MYO1D: variants seen among roughly 807,000 people sequenced by gnomAD.
MYO1D encodes the protein unconventional myosin-Id.
A neutral mutation model predicts 122.0 loss-of-function variants in MYO1D; 83 were observed. That is an observed-to-expected ratio of 0.68 (90% CI 0.57 to 0.82). The LOEUF (loss-of-function observed/expected upper bound fraction) is 0.82. MYO1D is among the 40% of genes least tolerant of loss of function. The probability of loss-of-function intolerance (pLI) is 0.00; values close to 1 mark genes in which losing one functional copy is unlikely to be tolerated. For missense variants in MYO1D, 1,157 were observed against 1,269.5 expected, an observed-to-expected ratio of 0.91 and a Z score of 1.35; for synonymous variants, 464 against 446.9, an observed-to-expected ratio of 1.04 and a Z score of -0.48.
rs550811451 is a variant in MYO1D at position 32,834,385 on chromosome 17, A to G, written c.95+42393T>C. ...GTCCACTCCCCTGCCCCATAACCAG[A>G]ACCAAACAGTGCCTGTGGGTAAGGC... On this transcript the variant is annotated intron_variant, in intron 1 of 21. Transcript: ENST00000318217. Among the ~76,000 whole-genome samples the G allele has an allele frequency of 1.2e-4, 18 of 152,320 alleles. No individual in the cohort carries two copies. In the South Asian group the frequency reaches 2.1e-3, roughly 18 times the overall value.
At chr17:32,805,164 C>T (rs193063928) in intron 1 of MYO1D, among the ~76,000 whole-genome samples, 34 of 152,216 alleles carry the variant, frequency 2.2e-4, no homozygotes, top group African/African-American at 7.5e-4. Context: ...CCAGCTATGA[C>T]GAATGGATCC....
chr17:32,823,771 A>G (rs1189397407), intron 1 of MYO1D, among the ~76,000 whole-genome samples: 9 of 152,148 alleles, frequency 5.9e-5, no homozygotes, highest in Non-Finnish European at 1.2e-4. Flanking sequence ...TGCAAAAACT[A>G]TTTAAGAAGT....
intron 1 of MYO1D, among the ~76,000 whole-genome samples, chr17:32,857,817 C>T (rs938283815): frequency 1.3e-5 from 2 of 152,186 alleles, no homozygotes; most frequent in Non-Finnish European, 1.5e-5. Context: ...ATTTTCTCCA[C>T]ATGTGAACTG....
intron 19 of MYO1D, among the ~76,000 whole-genome samples, chr17:32,646,313 T>C (rs2088293595): frequency 6.6e-6 from 1 of 152,176 alleles, no homozygotes; most frequent in African/African-American, 2.4e-5. Context: ...TTAGAGTTCA[T>C]AGAGAATATC....
intron 21 of MYO1D, chr17:32,594,335 A>G: frequency 2.5e-6 from 1 of 394,096 alleles, no homozygotes. Context: ...AGAGACTTCA[A>G]ACTTTCCTTT....
At chr17:32,636,236 A>T (rs985206202) in intron 20 of MYO1D, among the ~76,000 whole-genome samples, 1 of 152,224 alleles carries the variant, frequency 6.6e-6, no homozygotes, top group African/African-American at 2.4e-5. Context: ...GTATACTTGT[A>T]CGTTTCACAA....
At chr17:32,566,986 G>A (rs1461556245) in intron 21 of MYO1D, among the ~76,000 whole-genome samples, 3 of 148,964 alleles carry the variant, frequency 2.0e-5, no homozygotes, top group African/African-American at 2.5e-5. Context: ...TCCAAAGCCC[G>A]TGCTCCATCC....
intron 14 of MYO1D, among the ~76,000 whole-genome samples, chr17:32,723,900 T>C (rs2089541063): frequency 6.6e-6 from 1 of 152,180 alleles, no homozygotes; most frequent in Admixed American, 6.5e-5. Context: ...TCTTCCCTAT[T>C]CTGGAATACC....
intron 21 of MYO1D, among the ~76,000 whole-genome samples, chr17:32,587,268 T>C (rs1381205508): frequency 6.6e-6 from 1 of 152,134 alleles, no homozygotes; most frequent in Non-Finnish European, 1.5e-5. Context: ...TTCCAGCACT[T>C]TGGGAAGCTG....
intron 16 of MYO1D, among the ~76,000 whole-genome samples, chr17:32,699,132 T>C (rs775250735): frequency 1.3e-5 from 2 of 152,062 alleles, no homozygotes; most frequent in Non-Finnish European, 2.9e-5. Flanking sequence ...GCCCGGCTAA[T>C]TTTTGTATTT....
At chr17:32,583,237 A>G (rs1356188822) in intron 21 of MYO1D, among the ~76,000 whole-genome samples, 6 of 152,212 alleles carry the variant, frequency 3.9e-5, no homozygotes, top group Non-Finnish European at 8.8e-5. Flanking sequence ...GTTTCCAACG[A>G]GAAATCCTCT....
Position 32,873,186 on chromosome 17 carries a change from C to T in MYO1D, c.95+3592G>A, listed in dbSNP as rs185728106. On this transcript the variant is annotated intron_variant, in intron 1 of 21. Coordinates refer to ENST00000318217, the MANE Select transcript of MYO1D (RefSeq NM_015194.3). ...AGTAACAAGCATTTTTCCCTCTCTA[C>T]AAAAAAATGTTGTCATGAAGGAATG... Among the ~76,000 whole-genome samples, 165 of 151,978 alleles carry T rather than the reference C, an allele frequency of 1.1e-3. 1 individual carries two copies. The highest frequency in any genetic ancestry group is 2.2e-4 in the Non-Finnish European group (15 of 67,920).
chr17:32,780,497 T>A, intron 2 of MYO1D, 79 bp downstream of exon 2: 1 of 1,418,492 alleles, frequency 7.0e-7, no homozygotes, highest in African/African-American at 1.8e-5. Context: ...AAATATTTAA[T>A]CAATTGTTTG....
intron 1 of MYO1D, among the ~76,000 whole-genome samples, chr17:32,859,686 C>T (rs2091054164): frequency 6.6e-6 from 1 of 152,222 alleles, no homozygotes; most frequent in South Asian, 2.1e-4. Flanking sequence ...GTGTTCATGT[C>T]CTGTCTTGTT....
At position 32,760,346 on chromosome 17, in the gene MYO1D, G is replaced by T; in HGVS notation, c.1240C>A (p.Leu414Met). The change falls in exon 10 of 22, where the codon CTG becomes ATG. Residue 414 changes from leucine to methionine, a missense_variant. Leu to Met is a conservative substitution (Grantham distance 15). Coordinates refer to ENST00000318217, the MANE Select transcript of MYO1D (RefSeq NM_015194.3). ...NEKLQQLFIQ[L>M]VLKQEQEEYQ... Reference sequence around the variant, plus strand: ...TCCTCTTGTTCTTGCTTCAGAACCAGCTGAATAAATAGCTGCTGCAGTTTC... The same window carrying T: ...TCCTCTTGTTCTTGCTTCAGAACCATCTGAATAAATAGCTGCTGCAGTTTC... The T allele has an allele frequency of 6.2e-7, 1 of 1,612,726 alleles. No homozygotes were observed. Among genetic ancestry groups the T allele is most frequent in the South Asian group, 1.1e-5 (1 of 90,854 alleles).
chr17:32,567,584 T>C (rs1316657570), intron 21 of MYO1D, among the ~76,000 whole-genome samples: 1 of 152,206 alleles, frequency 6.6e-6, no homozygotes, highest in Non-Finnish European at 1.5e-5. Context: ...ACTCCAAACC[T>C]TGTACTCTTT....
chr17:32,712,189 C>T lies in MYO1D; in HGVS notation c.1920G>A (p.Lys640=), dbSNP rs1481786531. The change falls in exon 16 of 22, where the codon AAG becomes AAA. Residue 640 remains lysine, a synonymous_variant. Transcript: ENST00000318217. Reference sequence around the variant, plus strand: ...TGGGCCAGGTGAATTCAGAGATCATCTTATACCTGGATGAAAAAAAGAAAC... The same window carrying T: ...TGGGCCAGGTGAATTCAGAGATCATTTTATACCTGGATGAAAAAAAGAAAC... ...QTYEKFLHRY[K]MISEFTWPNH... is the part of the protein sequence containing the mutation. 2.0e-5 allele frequency: 32 copies of T among 1,612,218 alleles called. No individual in the cohort carries two copies. The highest frequency in any genetic ancestry group is 2.2e-5 in the Non-Finnish European group (26 of 1,178,750).
At chr17:32,840,366 T>C (rs764846607) in intron 1 of MYO1D, among the ~76,000 whole-genome samples, 1 of 151,280 alleles carries the variant, frequency 6.6e-6, no homozygotes, top group Non-Finnish European at 1.5e-5. Context: ...GGGAGTGATT[T>C]ACAAGTATGA....
intron 14 of MYO1D, among the ~76,000 whole-genome samples, chr17:32,724,091 T>C (rs904518691): frequency 6.6e-6 from 1 of 152,192 alleles, no homozygotes; most frequent in African/African-American, 2.4e-5. Context: ...AGTAAGTTTT[T>C]TAAAAAACTT....
Sources: allele counts gnomAD v4.1 joint callset (sites outside exome capture counted in the v4.1 genomes callset), GRCh38; gene constraint gnomAD v4.1.1; transcripts MANE v1.5; gene names NCBI Gene and HGNC (gene_info 2026-07-23, HGNC 2026-07-21).